CPEB3: variants seen among roughly 807,000 people sequenced by gnomAD.
CPEB3 encodes cytoplasmic polyadenylation element-binding protein 3.
CPEB3 carries 20 observed loss-of-function variants against 67.2 expected under a neutral mutation model. That is an observed-to-expected ratio of 0.30 (90% CI 0.21 to 0.43). The LOEUF (loss-of-function observed/expected upper bound fraction) is 0.43, where lower values mean the gene tolerates loss of function less well. Among genes scored for constraint, CPEB3 ranks in the 20% least tolerant of loss-of-function variants. The pLI is 1.00. For synonymous variants in CPEB3, 376 were observed against 393.1 expected (o/e 0.96, Z 0.51); for missense variants, 746 against 968.6 (o/e 0.77, Z 3.05).
chr10:92,251,418 T>C (rs1336054292), intron 1 of CPEB3, among the ~76,000 whole-genome samples: 1 of 152,140 alleles, frequency 6.6e-6, no homozygotes, highest in Non-Finnish European at 1.5e-5. Flanking sequence ...TCTTCTTTGC[T>C]AACTGACTTT....
intron 9 of CPEB3, among the ~76,000 whole-genome samples, chr10:92,056,049 A>G (rs1032901270): frequency 1.3e-5 from 2 of 152,162 alleles, no homozygotes; most frequent in Non-Finnish European, 2.9e-5. Context: ...GTAAAAATAA[A>G]CAAAGAACGT....
intron 2 of CPEB3, among the ~76,000 whole-genome samples, chr10:92,203,713 C>A (rs1037345382): frequency 6.6e-6 from 1 of 151,820 alleles, no homozygotes; most frequent in Non-Finnish European, 1.5e-5. Flanking sequence ...TGAGCCACCA[C>A]GTCCTCGATT....
intron 1 of CPEB3, among the ~76,000 whole-genome samples, chr10:92,277,024 T>C (rs1187035720): frequency 1.3e-5 from 2 of 152,190 alleles, no homozygotes; most frequent in African/African-American, 4.8e-5. Context: ...ATTATCTTTA[T>C]ATTATTGAGT....
At chr10:92,262,135 G>A (rs1468265230) in intron 1 of CPEB3, among the ~76,000 whole-genome samples, 2 of 152,268 alleles carry the variant, frequency 1.3e-5, no homozygotes, top group African/African-American at 2.4e-5. Context: ...TGTCCTAAGA[G>A]AGATACTTTA....
intron 4 of CPEB3, among the ~76,000 whole-genome samples, chr10:92,153,651 C>T (rs775171039): frequency 6.6e-6 from 1 of 152,024 alleles, no homozygotes; most frequent in Non-Finnish European, 1.5e-5. Context: ...CATGGTGGTG[C>T]GTGCCTGTAA....
chr10:92,118,746 G>A, intron 6 of CPEB3: 1 of 749,508 alleles, frequency 1.3e-6, no homozygotes, highest in South Asian at 1.4e-5. Flanking sequence ...GTTCCTTTGG[G>A]AACCACAGGC....
intron 8 of CPEB3, among the ~76,000 whole-genome samples, chr10:92,090,836 T>A (rs1274498929): frequency 6.6e-6 from 1 of 152,214 alleles, no homozygotes; most frequent in Non-Finnish European, 1.5e-5. Flanking sequence ...AAGGGGAGCA[T>A]CTCTGCTGTT....
At position 92,205,642 on chromosome 10, in the gene CPEB3, A is replaced by G. The variant is rs539993048; in HGVS notation, c.1006-13006T>C. Among the ~76,000 whole-genome samples the G allele has an allele frequency of 1.2e-3, 182 of 151,906 alleles. 1 individual carries two copies. The highest frequency in any genetic ancestry group is 4.2e-3 in the African/African-American group (176 of 41,416). ...TGGGTGTGCGCCATGATGCCCAGCT[A>G]ATTTTTGTATTTTTAGTAGAGACAG... On this transcript the variant is annotated intron_variant, in intron 2 of 9. Coordinates refer to ENST00000265997, the MANE Select transcript of CPEB3 (RefSeq NM_014912.5).
At chr10:92,184,551 G>T (rs1209929537) in intron 3 of CPEB3, among the ~76,000 whole-genome samples, 1 of 152,136 alleles carries the variant, frequency 6.6e-6, no homozygotes, top group Non-Finnish European at 1.5e-5. Context: ...GTTGCAGTGA[G>T]CCGAGATCGT....
intron 7 of CPEB3, among the ~76,000 whole-genome samples, chr10:92,095,566 A>G (rs982662477): frequency 7.5e-6 from 1 of 132,776 alleles, no homozygotes; most frequent in Middle Eastern, 4.5e-3. Context: ...GTTTGGATAT[A>G]TTTTCTGGTC....
chr10:92,094,118 G>T (rs1223225016), intron 7 of CPEB3, among the ~76,000 whole-genome samples: 1 of 151,972 alleles, frequency 6.6e-6, no homozygotes, highest in African/African-American at 2.4e-5. Flanking sequence ...GCCTCCCAAA[G>T]TGCTGGGATT....
At chr10:92,102,068 G>A (rs1047980286) in intron 7 of CPEB3, among the ~76,000 whole-genome samples, 5 of 152,276 alleles carry the variant, frequency 3.3e-5, no homozygotes, top group African/African-American at 1.2e-4. Context: ...TCATTTCAAC[G>A]TAATTTTGAC....
At position 92,052,111 on chromosome 10, in the gene CPEB3, G is replaced by A. The variant is rs894861384; in HGVS notation, c.*101C>T. The A allele has an allele frequency of 5.8e-6, 4 of 692,666 alleles. No homozygotes were observed. Among genetic ancestry groups the A allele is most frequent in the African/African-American group, 3.6e-5 (2 of 55,472 alleles). The allele number at this position is 692,666 out of a possible 1,614,324, so 42.9% of individuals were successfully genotyped here. On this transcript the variant is annotated 3_prime_UTR_variant, in exon 10 of 10. Transcript: ENST00000265997. ...CAATTCTTCTTTAAAAATCGAGAAC[G>A]AATGCACAGATTTCCAGAACACTGT...
At chr10:92,108,663 C>T (rs1844586002) in intron 7 of CPEB3, among the ~76,000 whole-genome samples, 1 of 152,178 alleles carries the variant, frequency 6.6e-6, no homozygotes, top group Non-Finnish European at 1.5e-5. Flanking sequence ...AGTCGCCATT[C>T]AGAATTCACC....
At chr10:92,266,470 C>T (rs1459535114) in intron 1 of CPEB3, among the ~76,000 whole-genome samples, 1 of 152,130 alleles carries the variant, frequency 6.6e-6, no homozygotes, top group Non-Finnish European at 1.5e-5. Flanking sequence ...CAGAAATCAT[C>T]TTCAAATTCA....
intron 1 of CPEB3, among the ~76,000 whole-genome samples, chr10:92,250,674 G>C (rs1416553005): frequency 6.6e-6 from 1 of 151,394 alleles, no homozygotes; most frequent in Non-Finnish European, 1.5e-5. Flanking sequence ...TTTAATATAT[G>C]TATCCTTTAT....
intron 7 of CPEB3, among the ~76,000 whole-genome samples, chr10:92,099,509 T>C (rs1371252915): frequency 6.6e-6 from 1 of 152,026 alleles, no homozygotes; most frequent in Non-Finnish European, 1.5e-5. Flanking sequence ...TTTCCTAAAA[T>C]GAAAATTTCA....
At position 92,052,283 on chromosome 10, in the gene CPEB3, G is replaced by C; in HGVS notation, c.2026C>G (p.Arg676Gly). The C allele has an allele frequency of 6.2e-7, 1 of 1,614,088 alleles. No homozygotes were observed. The highest frequency in any genetic ancestry group is 8.5e-7 in the Non-Finnish European group (1 of 1,179,996). The stretch of plus-strand genomic sequence containing the variant: ...TTCACCAGCGGTTTGTGGAACTCCC[G>C]CCCGGCTCGGGAATGTATGCTCGCC... ...CWASIHSRAGREFHKPLVKEG... is the reference protein window; with the variant it reads ...CWASIHSRAGGEFHKPLVKEG... The change falls in exon 10 of 10, where the codon CGG (arginine) becomes GGG (glycine). Residue 676 changes from arginine to glycine, a missense_variant. By Grantham distance (125) the Arg-to-Gly change is moderately radical. Around this residue, in one of 2 missense-constraint regions of CPEB3, gnomAD observed 103 missense variants for 251.1 expected, o/e 0.41. Coordinates refer to ENST00000265997, the MANE Select transcript of CPEB3 (RefSeq NM_014912.5).
chr10:92,225,266 C>T (rs181552027), intron 2 of CPEB3, among the ~76,000 whole-genome samples: 222 of 152,244 alleles, frequency 1.5e-3, no homozygotes, highest in Admixed American at 2.6e-3. Context: ...AGCCACCGCG[C>T]CCAGCCTCCT....
Sources: gnomAD v4.1 joint callset for allele counts (sites outside exome capture counted in the v4.1 genomes callset) on GRCh38, gnomAD v4.1.1 for gene constraint, gnomAD v4.1.1 regional missense constraint, MANE v1.5 for transcripts, NCBI Gene and HGNC (gene_info 2026-07-23, HGNC 2026-07-21) for gene names.